RBM10: variants seen among roughly 807,000 people sequenced by gnomAD.
The protein encoded by RBM10 is RNA-binding protein 10.
Under a neutral mutation model 84.9 loss-of-function variants are expected in RBM10, and 1 was observed. That is an observed-to-expected ratio of 0.01 (90% confidence interval 0.00 to 0.06). The LOEUF is 0.06. Ranked by LOEUF, RBM10 falls within the 10% of genes least tolerant of loss-of-function variation. The probability of loss-of-function intolerance (pLI) is 1.00; values close to 1 mark genes in which losing one functional copy is unlikely to be tolerated. For synonymous variants in RBM10, 326 were observed against 344.5 expected, an observed-to-expected ratio of 0.95 and a Z score of 0.60; for missense variants, 438 against 839.0, an observed-to-expected ratio of 0.52 and a Z score of 5.90.
At chrX:47,182,473 C>G (rs1254989244) in intron 17 of RBM10, 147 bp downstream of exon 17, 5 of 897,703 alleles carry the variant, frequency 5.6e-6, no homozygotes, top group Non-Finnish European at 7.9e-6. Context: ...ATGCTCTTGC[C>G]CCAGCTCTGC....
intron 3 of RBM10, 71 bp from the exon 4 acceptor site, chrX:47,170,957 C>A: frequency 9.3e-7 from 1 of 1,074,259 alleles, no homozygotes; most frequent in Non-Finnish European, 1.3e-6. Flanking sequence ...CTCACAGAGC[C>A]AGCGGCCAGC....
intron 2 of RBM10, among the ~76,000 whole-genome samples, chrX:47,156,326 C>T (rs1318681095): frequency 1.8e-5 from 2 of 109,829 alleles, no homozygotes; most frequent in Non-Finnish European, 3.8e-5. Flanking sequence ...TATTTGTTTT[C>T]TTTTTTTAAA....
chrX:47,178,566 T>C (rs1375227014), intron 7 of RBM10, among the ~76,000 whole-genome samples: 1 of 112,162 alleles, frequency 8.9e-6, no homozygotes, highest in Non-Finnish European at 1.9e-5. Flanking sequence ...TGGTGCTTAG[T>C]ACCTGAGTCT....
chrX:47,169,533 G>A (rs2147130325), intron 3 of RBM10, 35 bp downstream of exon 3: 3 of 1,175,608 alleles, frequency 2.6e-6, no homozygotes, highest in Non-Finnish European at 3.4e-6. Flanking sequence ...GGCCTGGCTG[G>A]GATGGGCTCC....
intron 6 of RBM10, 48 bp downstream of exon 6, chrX:47,175,140 A>G (rs1935034449): frequency 5.4e-6 from 5 of 926,851 alleles, no homozygotes; most frequent in Non-Finnish European, 7.3e-6. Context: ...ACTACTTTGT[A>G]ATCGAGCGCT....
chrX:47,186,471 C>T lies in RBM10; in HGVS notation c.2668-3C>T, dbSNP rs781845708. The T allele has an allele frequency of 9.1e-6, 11 of 1,206,348 alleles. No homozygotes were observed. The highest frequency in any genetic ancestry group is 3.6e-5 in the South Asian group (2 of 55,955). On this transcript the variant is annotated splice_region_variant and splice_polypyrimidine_tract_variant and intron_variant, in intron 23 of 23. Coordinates refer to ENST00000377604, the MANE Select transcript of RBM10 (RefSeq NM_005676.5). Reference sequence around the variant, plus strand: ...CCTGACAGAGCCTGCCTCCCTCACACAGGCCCAAACACGGGTGCGGGGCTC... The same window carrying T: ...CCTGACAGAGCCTGCCTCCCTCACATAGGCCCAAACACGGGTGCGGGGCTC...
intron 2 of RBM10, 89 bp downstream of exon 2, chrX:47,147,587 G>C: frequency 9.1e-7 from 1 of 1,097,881 alleles, no homozygotes. Flanking sequence ...GGGGCTTCTG[G>C]GTAGAGGAAA....
At chrX:47,172,558 A>G (rs1189175487) in intron 4 of RBM10, among the ~76,000 whole-genome samples, 4 of 112,124 alleles carry the variant, frequency 3.6e-5, no homozygotes, top group African/African-American at 1.3e-4. Flanking sequence ...AATCCCCAGG[A>G]CTACATCTTT....
chrX:47,185,086 G>T lies in RBM10; in HGVS notation c.1982G>T (p.Ser661Ile), dbSNP rs1556781462. The T allele has an allele frequency of 8.3e-7, 1 of 1,210,786 alleles. No individual in the cohort carries two copies. The highest frequency in any genetic ancestry group is 1.1e-6 in the Non-Finnish European group (1 of 895,162). The change falls in exon 18 of 24, where the codon AGT becomes ATT. Residue 661 changes from serine to isoleucine, a missense_variant. This residue lies in a region of RBM10 where 39 missense variants were observed against 119.5 expected (regional missense o/e 0.33). Coordinates refer to ENST00000377604, the MANE Select transcript of RBM10 (RefSeq NM_005676.5). The stretch of plus-strand genomic sequence containing the variant: ...AAGGACATGGAACGCTGGGCCCGCA[G>T]TCTCAACAAACAAAAAGAAAACTTC... ...IAKDMERWAR[S>I]LNKQKENFKN...
chrX:47,175,143 C>T (rs781803515), intron 6 of RBM10, 51 bp downstream of exon 6: 3 of 937,150 alleles, frequency 3.2e-6, no homozygotes, highest in Non-Finnish European at 4.4e-6. Flanking sequence ...ACTTTGTAAT[C>T]GAGCGCTCCC....
chrX:47,155,403 T>C (rs1301067947), intron 2 of RBM10, among the ~76,000 whole-genome samples: 2 of 110,630 alleles, frequency 1.8e-5, no homozygotes, highest in Non-Finnish European at 3.8e-5. Context: ...TTCCATAGTT[T>C]AGTGTGAAAT....
chrX:47,166,892 C>T (rs1004687319), intron 2 of RBM10, among the ~76,000 whole-genome samples: 6 of 108,866 alleles, frequency 5.5e-5, no homozygotes, highest in Admixed American at 3.0e-4. Flanking sequence ...TCTCCTGTCT[C>T]GCCCTCCCGA....
At position 47,163,859 on chromosome X, in the gene RBM10, ATTTTTTTTTTT is replaced by A. The variant is rs35919377; in HGVS notation, c.18-5439_18-5429del. On this transcript the variant is annotated intron_variant, in intron 2 of 23. Coordinates refer to ENST00000377604, the MANE Select transcript of RBM10 (RefSeq NM_005676.5). ...AGGCGCCTGCCACCACGCCTGGCTA[ATTTTTTTTTTT>A]TTTTTTTTTTTTTTTTGAGACGGAG... Among the ~76,000 whole-genome samples, 6 of 40,105 alleles carry A rather than the reference ATTTTTTTTTTT, an allele frequency of 1.5e-4. No individual in the cohort carries two copies. In the East Asian group the frequency reaches 3.1e-3, roughly 21 times the overall value. The allele number at this position is 40,105 out of a possible 115,157, so 34.8% of individuals were successfully genotyped here.
intron 2 of RBM10, chrX:47,156,654 T>G (rs1214142161): frequency 6.2e-6 from 1 of 160,069 alleles, no homozygotes; most frequent in African/African-American, 3.2e-5. Context: ...GGAGGAGGCC[T>G]TGTTGGCCAG....
intron 2 of RBM10, among the ~76,000 whole-genome samples, chrX:47,161,860 T>C (rs1439449445): frequency 6.4e-5 from 7 of 109,747 alleles, no homozygotes; most frequent in Non-Finnish European, 1.3e-4. Flanking sequence ...TTTGTTTGTT[T>C]TGAGACAGAG....
rs1347549040 is a variant in RBM10 at position 47,179,684 on chromosome X, G to A, written c.901+189G>A. On this transcript the variant is annotated intron_variant, in intron 9 of 23. Transcript: ENST00000377604. ...CTGACTTTGGGGGTGTGTCGGGAAG[G>A]TTCTCAGCAGACAGGCAGCCAGGCT... 12 of 760,698 alleles carry A rather than the reference G, an allele frequency of 1.6e-5. No homozygotes were observed. The African/African-American group carries it at 1.6e-4, about 10-fold the overall frequency. 62.7% of individuals were successfully genotyped at this position (760,698 alleles called of 1,213,427 possible). A position where few individuals can be genotyped will look rare whatever the true frequency, so the allele number is the denominator to read the frequency against.
chrX:47,171,156 G>A lies in RBM10; in HGVS notation c.330G>A (p.Glu110=), dbSNP rs2147136086. 2 of 1,209,923 alleles carry A rather than the reference G, an allele frequency of 1.7e-6. No individual in the cohort carries two copies. The highest frequency in any genetic ancestry group is 3.0e-5 in the East Asian group (1 of 33,766). The change falls in exon 4 of 24, where the codon GAG becomes GAA. Residue 110 remains glutamate (E), a synonymous_variant. Coordinates refer to ENST00000377604, the MANE Select transcript of RBM10 (RefSeq NM_005676.5). ...ATCGGGACCAGGACTATCGGACCGA[G>A]CAAGGGGAGGAGGAGGAGGAGGAGG... The part of the protein sequence containing the change: ...GDYRDQDYRT[E]QGEEEEEEED...
At chrX:47,178,459 G>A (rs1398789815) in intron 7 of RBM10, among the ~76,000 whole-genome samples, 4 of 111,290 alleles carry the variant, frequency 3.6e-5, no homozygotes, top group Non-Finnish European at 7.5e-5. Context: ...CATGCAGACC[G>A]ACCTGCCCCT....
At chrX:47,170,874 G>A (rs1381707540) in intron 3 of RBM10, among the ~76,000 whole-genome samples, 154 bp from the exon 4 acceptor site, 1 of 112,309 alleles carries the variant, frequency 8.9e-6, no homozygotes, top group Non-Finnish European at 1.9e-5. Flanking sequence ...ATTGCAGGCC[G>A]GGGCCTGCCC....
Sources: gnomAD v4.1 joint callset for allele counts (sites outside exome capture counted in the v4.1 genomes callset) on GRCh38, gnomAD v4.1.1 for gene constraint, gnomAD v4.1.1 regional missense constraint, MANE v1.5 for transcripts, NCBI Gene and HGNC (gene_info 2026-07-23, HGNC 2026-07-21) for gene names.